The following ONECUT1 variants were observed in gnomAD, a reference collection of about 807,000 sequenced individuals.
The protein encoded by ONECUT1 is one cut homeobox 1.
ONECUT1 carries 12 observed loss-of-function variants against 25.6 expected under a neutral mutation model. The observed-to-expected ratio is 0.47, with a 90% CI of 0.30 to 0.76. The LOEUF (loss-of-function observed/expected upper bound fraction) is 0.76, where lower values mean the gene tolerates loss of function less well. Ranked by LOEUF, ONECUT1 falls within the 30% of genes least tolerant of loss-of-function variation. The pLI, the probability that ONECUT1 is intolerant of heterozygous loss-of-function variation, is 0.07. For synonymous variants in ONECUT1, 285 were observed against 270.2 expected (o/e 1.05, Z -0.54); for missense variants, 620 against 651.2 (o/e 0.95, Z 0.52).
rs745666780 is a variant in ONECUT1 at position 52,789,212 on chromosome 15, T to C, written c.673A>G (p.Met225Val). ...TGCTGCTCCCCGTGGCGGCCGAGCA[T>C]GGCCGGGTGGTGGGCTTCGAAGCCG... is the stretch of plus-strand genomic sequence containing the variant. ...PNGFEAHHPAMLGRHGEQHLT... is the reference protein window; with the variant it reads ...PNGFEAHHPAVLGRHGEQHLT... The change falls in exon 1 of 2, where the codon ATG (methionine) becomes GTG (valine). Residue 225 changes from methionine (M) to valine (V), a missense_variant. Met to Val is a conservative substitution (Grantham distance 21, BLOSUM62 1). This residue lies in a region of ONECUT1 where 440 missense variants were observed against 404.9 expected (regional missense o/e 1.09). Transcript: ENST00000305901. This position sits in a 1 kb window ranked among gnomAD's most constrained non-coding sequence, Gnocchi z 4.1. 1.3e-6 allele frequency: 2 copies of C among 1,562,114 alleles called. No individual in the cohort carries two copies. The highest frequency in any genetic ancestry group is 1.2e-5 in the South Asian group (1 of 84,290).
rs1353968377 is a variant in ONECUT1 at position 52,755,545 on chromosome 15, G to C, written c.*2010C>G. 6.6e-6 allele frequency among the ~76,000 whole-genome samples: 1 copy of C among 152,234 alleles called. No individual in the cohort carries two copies. Among genetic ancestry groups the C allele is most frequent in the Non-Finnish European group, 1.5e-5 (1 of 68,042 alleles). On this transcript the variant is annotated 3_prime_UTR_variant, in exon 2 of 2. Transcript: ENST00000305901. The stretch of plus-strand genomic sequence containing the variant: ...CGACAGCAGACATGAAGGAGACACA[G>C]ATAGATGGCTTGTTGGTTTTGCTTT...
rs757893448 is a variant in ONECUT1, at chr15:52,789,043, C to T, written c.842G>A (p.Ser281Asn). Residue 281 changes from serine (S) to asparagine (N), a missense_variant, in exon 1 of 2, where the codon AGC (serine) becomes AAC (asparagine). By Grantham distance (46) the Ser-to-Asn change is conservative. This residue lies in a region of ONECUT1 where 146 missense variants were observed against 201.8 expected (regional missense o/e 0.72). Coordinates refer to ENST00000305901, the MANE Select transcript of ONECUT1 (RefSeq NM_004498.4). This position sits in a 1 kb window ranked among gnomAD's most constrained non-coding sequence, Gnocchi z 4.1. Reference sequence around the variant, plus strand: ...CATCTGCCCTGAATTACTTCCATTGCTGACCTGCGCGCCGGTCACCGAAGG... The same window carrying T: ...CATCTGCCCTGAATTACTTCCATTGTTGACCTGCGCGCCGGTCACCGAAGG... The part of the protein sequence containing the change: ...PNPSVTGAQV[S>N]NGSNSGQMEE... The T allele has an allele frequency of 2.5e-6, 4 of 1,604,348 alleles. No individual in the cohort carries two copies. Among genetic ancestry groups the T allele is most frequent in the East Asian group, 4.5e-5 (2 of 44,878 alleles).
chr15:52,766,245 T>TC (rs2083733837), intron 1 of ONECUT1, among the ~76,000 whole-genome samples: 1 of 152,084 alleles, frequency 6.6e-6, no homozygotes, highest in African/African-American at 2.4e-5. Context: ...CTTTTTTTTT[T>TC]TTTTTGTAGG....
intron 1 of ONECUT1, chr15:52,780,556 A>C: frequency 6.5e-7 from 1 of 1,528,062 alleles, no homozygotes; most frequent in South Asian, 1.2e-5. Flanking sequence ...AATTACCCCA[A>C]ATGAATTGAA....
Position 52,789,867 on chromosome 15 carries a change from G to A in ONECUT1, c.18C>T (p.Thr6=). Residue 6 remains threonine, a synonymous_variant, in exon 1 of 2, where the codon ACC becomes ACT. Transcript: ENST00000305901. The surrounding 1 kb of genome is among the most constrained non-coding windows in gnomAD (Gnocchi z 4.1). MNAQL[T]MEAIGELHGV... is the part of the protein sequence containing the mutation. ...CGTGCAGCTCGCCGATCGCTTCCAT[G>A]GTCAGCTGCGCGTTCATCGTGATCC... 6.5e-7 allele frequency: 1 copy of A among 1,542,718 alleles called. No individual in the cohort carries two copies. The highest frequency in any genetic ancestry group is 2.6e-5 in the East Asian group (1 of 37,786).
chr15:52,756,030 G>T lies in ONECUT1; in HGVS notation c.*1525C>A, dbSNP rs906692599. Among the ~76,000 whole-genome samples the T allele has an allele frequency of 4.6e-5, 7 of 152,174 alleles. No homozygotes were observed. The highest frequency in any genetic ancestry group is 1.7e-4 in the African/African-American group (7 of 41,454). On this transcript the variant is annotated 3_prime_UTR_variant, in exon 2 of 2. Transcript: ENST00000305901. ...TATATTATAAAATTTCCAGCTAAATGCAGTAGCAAGAAAGAAGGCAGAATG... is the reference window on the plus strand; with the variant it reads ...TATATTATAAAATTTCCAGCTAAATTCAGTAGCAAGAAAGAAGGCAGAATG...
intron 1 of ONECUT1, among the ~76,000 whole-genome samples, chr15:52,769,628 A>G (rs1460743375): frequency 6.6e-6 from 1 of 152,244 alleles, no homozygotes; most frequent in East Asian, 1.9e-4. Context: ...AAGTGAGCTC[A>G]GGGACAGGTA....
rs555505781 is a variant in ONECUT1, at chr15:52,779,552, TG to T, written c.1105+9227del. Among the ~76,000 whole-genome samples the T allele has an allele frequency of 3.9e-5, 6 of 152,352 alleles. 1 individual carries two copies. In the South Asian group the frequency reaches 1.0e-3, roughly 26 times the overall value. On this transcript the variant is annotated intron_variant, in intron 1 of 1. Transcript: ENST00000305901. ...ACTCTCCTAAGAGACACTGGTCTCC[TG>T]GGGGATAAACAGTCCCCAATTATCT...
At chr15:52,777,724 ACAC>A (rs2083810378) in intron 1 of ONECUT1, among the ~76,000 whole-genome samples, 1 of 118,272 alleles carries the variant, frequency 8.5e-6, no homozygotes, top group East Asian at 2.9e-4. Flanking sequence ...ACACACACAC[ACAC>A]ACACACACAC....
At position 52,789,077 on chromosome 15, in the gene ONECUT1, C is replaced by T; in HGVS notation, c.808G>A (p.Glu270Lys). 1 of 1,602,096 alleles carries T rather than the reference C, an allele frequency of 6.2e-7. No individual in the cohort carries two copies. The highest frequency in any genetic ancestry group is 1.1e-5 in the South Asian group (1 of 91,084). Residue 270 changes from glutamate (E) to lysine (K), a missense_variant, in exon 1 of 2, where the codon GAG becomes AAG. Glu to Lys is a moderately conservative substitution (Grantham distance 56). Around this residue, in one of 4 missense-constraint regions of ONECUT1, gnomAD observed 440 missense variants for 404.9 expected, o/e 1.09. Transcript: ENST00000305901. The surrounding 1 kb of genome is among the most constrained non-coding windows in gnomAD (Gnocchi z 4.1). ...GHGQLLGTAREPNPSVTGAQV... is the reference protein window; with the variant it reads ...GHGQLLGTARKPNPSVTGAQV... ...GCGCCGGTCACCGAAGGGTTGGGCT[C>T]CCGGGCTGTGCCCAGGAGTTGCCCG...
intron 1 of ONECUT1, among the ~76,000 whole-genome samples, chr15:52,781,724 C>T (rs190997669): frequency 1.3e-5 from 2 of 152,310 alleles, no homozygotes; most frequent in East Asian, 1.9e-4. Context: ...TTATAAAAAT[C>T]CAATGCCCAT....
chr15:52,789,125 C>T lies in ONECUT1; in HGVS notation c.760G>A (p.Ala254Thr). Residue 254 changes from alanine to threonine, a missense_variant, in exon 1 of 2, where the codon GCC becomes ACC. Transcript: ENST00000305901. This position sits in a 1 kb window ranked among gnomAD's most constrained non-coding sequence, Gnocchi z 4.1. ...INGLPPHHPH[A>T]HLNAQGHGQL... ...CCGTGGCCCTGGGCGTTCAGGTGGG[C>T]GTGGGGATGGTGCGGAGGAAGGCCG... 6.2e-7 allele frequency: 1 copy of T among 1,600,660 alleles called. No homozygotes were observed. The highest frequency in any genetic ancestry group is 8.5e-7 in the Non-Finnish European group (1 of 1,179,516).
At position 52,788,807 on chromosome 15, in the gene ONECUT1, G is replaced by C. The variant is rs1357147048; in HGVS notation, c.1078C>G (p.Gln360Glu). Residue 360 changes from glutamine (Q) to glutamate (E), a missense_variant, in exon 1 of 2, where the codon CAG (glutamine) becomes GAG (glutamate). Physicochemically the swap from Gln to Glu is conservative, Grantham distance 29 (BLOSUM62 2). Around this residue, in one of 4 missense-constraint regions of ONECUT1, gnomAD observed 146 missense variants for 201.8 expected, o/e 0.72. Coordinates refer to ENST00000305901, the MANE Select transcript of ONECUT1 (RefSeq NM_004498.4). The surrounding 1 kb of genome is among the most constrained non-coding windows in gnomAD (Gnocchi z 4.3). ...MWKWLQEPEF[Q>E]RMSALRLAAC... ...GCTAAGCGGAGCGCGGACATGCGCT[G>C]GAACTCCGGCTCCTGCAGCCACTTC... The C allele has an allele frequency of 6.2e-7, 1 of 1,612,744 alleles. No individual in the cohort carries two copies. Among genetic ancestry groups the C allele is most frequent in the Non-Finnish European group, 8.5e-7 (1 of 1,179,208 alleles).
chr15:52,780,953 A>C (rs2083837259), intron 1 of ONECUT1: 2 of 1,150,862 alleles, frequency 1.7e-6, no homozygotes, highest in South Asian at 2.9e-5. Flanking sequence ...TTTGACAGAA[A>C]TTGCAAGATG....
chr15:52,768,542 G>A (rs1307787806), intron 1 of ONECUT1, among the ~76,000 whole-genome samples: 3 of 152,062 alleles, frequency 2.0e-5, no homozygotes, highest in Admixed American at 6.5e-5. Flanking sequence ...AAAACAAAAA[G>A]CACATCTGAT....
intron 1 of ONECUT1, among the ~76,000 whole-genome samples, chr15:52,783,606 C>A (rs887991638): frequency 1.3e-5 from 2 of 152,214 alleles, no homozygotes; most frequent in African/African-American, 4.8e-5. Context: ...CAGCTCAAGG[C>A]CTCAGGGCTG....
chr15:52,768,742 T>G (rs1380229997), intron 1 of ONECUT1, among the ~76,000 whole-genome samples: 2 of 152,240 alleles, frequency 1.3e-5, no homozygotes, highest in Non-Finnish European at 2.9e-5. Flanking sequence ...AGACATTTTC[T>G]CTAATTAATT....
chr15:52,760,441 C>G (rs2083699592), intron 1 of ONECUT1, among the ~76,000 whole-genome samples: 1 of 152,216 alleles, frequency 6.6e-6, no homozygotes, highest in Non-Finnish European at 1.5e-5. Flanking sequence ...ACAGGTTTTG[C>G]TCTTAAGGAT....
chr15:52,789,685 TCTC>T lies in ONECUT1; in HGVS notation c.197_199del (p.Gly66del). ...AGGGGCCCGGTGGTGGTGGTGGTAA[TCTC>T]CGCCGCCGCTGCCGCCGTCCAGCAG... On this transcript the variant is annotated inframe_deletion, in exon 1 of 2. Transcript: ENST00000305901. The surrounding 1 kb of genome is among the most constrained non-coding windows in gnomAD (Gnocchi z 4.1). The T allele has an allele frequency of 6.7e-7, 1 of 1,500,388 alleles. No individual in the cohort carries two copies. The highest frequency in any genetic ancestry group is 1.3e-5 in the South Asian group (1 of 74,584). The allele number at this position is 1,500,388 out of a possible 1,614,324, so 92.9% of individuals were successfully genotyped here. A position where few individuals can be genotyped will look rare whatever the true frequency, so the allele number is the denominator to read the frequency against.
Sources: gnomAD v4.1 joint callset for allele counts (sites outside exome capture counted in the v4.1 genomes callset) on GRCh38, gnomAD v4.1.1 for gene constraint, gnomAD v4.1.1 regional missense constraint, Gnocchi (gnomAD v3.1) non-coding constraint, MANE v1.5 for transcripts, NCBI Gene and HGNC (gene_info 2026-07-23, HGNC 2026-07-21) for gene names.